PKHD1: variants seen among roughly 807,000 people sequenced by gnomAD.
PKHD1 encodes the protein PKHD1 ciliary IPT domain containing fibrocystin/polyductin, also known as fibrocystin.
Under a neutral mutation model 412.0 loss-of-function variants are expected in PKHD1, and 291 were observed. The ratio of observed to expected loss-of-function variants is 0.71; its 90% CI spans 0.64 to 0.78. The LOEUF is 0.78. PKHD1 is among the 30% of genes least tolerant of loss of function. The pLI, the probability that PKHD1 is intolerant of heterozygous loss-of-function variation, is 0.00. For synonymous variants in PKHD1, 1,777 were observed against 1,821.5 expected, an observed-to-expected ratio of 0.98 and a Z score of 0.62; for missense variants, 4,825 against 4,950.7, an observed-to-expected ratio of 0.97 and a Z score of 0.76.
intron 60 of PKHD1, among the ~76,000 whole-genome samples, chr6:51,742,527 T>C (rs1243870037): frequency 2.0e-5 from 3 of 152,176 alleles, no homozygotes; most frequent in African/African-American, 7.2e-5. Context: ...ATTTTAGGCT[T>C]TCATATTACA....
intron 37 of PKHD1, among the ~76,000 whole-genome samples, chr6:51,917,010 A>G (rs1450128443): frequency 6.6e-6 from 1 of 152,060 alleles, no homozygotes; most frequent in Non-Finnish European, 1.5e-5. Flanking sequence ...TCAGAGCACC[A>G]TTCTTACTAA....
At chr6:51,666,962 G>T (rs1274204465) in intron 60 of PKHD1, among the ~76,000 whole-genome samples, 2 of 150,658 alleles carry the variant, frequency 1.3e-5, no homozygotes, top group African/African-American at 4.9e-5. Flanking sequence ...CATTTGGGTT[G>T]GTTCCAAGTC....
rs761065784 is a variant in PKHD1 at position 52,024,762 on chromosome 6, A to G, written c.5048T>C (p.Ile1683Thr). ...GGGTGACATTCCTATAAAAATGTCAATGTTTGCAGCTCCTGAGATCTGGGC... is the reference window on the plus strand; with the variant it reads ...GGGTGACATTCCTATAAAAATGTCAGTGTTTGCAGCTCCTGAGATCTGGGC... ...AVAQISGAANIDIFIGMSPCV... is the reference protein window; with the variant it reads ...AVAQISGAANTDIFIGMSPCV... The change falls in exon 32 of 67, where the codon ATT becomes ACT. Residue 1683 changes from isoleucine (I) to threonine (T), a missense_variant. Transcript: ENST00000371117. 15 of 1,614,208 alleles carry G rather than the reference A, an allele frequency of 9.3e-6. No homozygotes were observed. Among genetic ancestry groups the G allele is most frequent in the East Asian group, 2.2e-5 (1 of 44,870 alleles).
intron 52 of PKHD1, among the ~76,000 whole-genome samples, chr6:51,801,490 G>A (rs1296822055): frequency 1.4e-5 from 2 of 148,098 alleles, no homozygotes; most frequent in Non-Finnish European, 3.0e-5. Context: ...CACACAGGTG[G>A]TTTCTTTATT....
At chr6:51,804,280 A>T (rs1002206041) in intron 52 of PKHD1, among the ~76,000 whole-genome samples, 1 of 138,810 alleles carries the variant, frequency 7.2e-6, no homozygotes, top group Non-Finnish European at 1.5e-5. Context: ...CTATAGTTCC[A>T]GTAATTTCTC....
intron 40 of PKHD1, among the ~76,000 whole-genome samples, chr6:51,908,243 A>T (rs1782425566): frequency 6.6e-6 from 1 of 152,152 alleles, no homozygotes; most frequent in Non-Finnish European, 1.5e-5. Flanking sequence ...GCATGCAGAT[A>T]ATTTGAAATG....
At chr6:51,842,471 T>C (rs1770385888) in intron 50 of PKHD1, among the ~76,000 whole-genome samples, 1 of 152,126 alleles carries the variant, frequency 6.6e-6, no homozygotes, top group Non-Finnish European at 1.5e-5. Flanking sequence ...GAATGTACAA[T>C]TATTAGAAGA....
At chr6:51,662,692 C>T (rs573164460) in intron 60 of PKHD1, among the ~76,000 whole-genome samples, 20 of 151,804 alleles carry the variant, frequency 1.3e-4, no homozygotes, top group African/African-American at 4.8e-4. Flanking sequence ...CTTCCCTAGA[C>T]CGATCAAAAT....
At chr6:52,048,689 G>A in intron 22 of PKHD1, 70 bp from the exon 23 acceptor site, 1 of 1,584,432 alleles carries the variant, frequency 6.3e-7, no homozygotes, top group Non-Finnish European at 8.6e-7. Context: ...CTTGTCTGAA[G>A]GATGTCCTGT....
chr6:51,694,251 T>C (rs1778512163), intron 60 of PKHD1, among the ~76,000 whole-genome samples: 1 of 152,150 alleles, frequency 6.6e-6, no homozygotes, highest in African/African-American at 2.4e-5. Flanking sequence ...CATTCTGGTC[T>C]CATCCTGGAT....
chr6:51,866,893 G>C (rs964642428), intron 48 of PKHD1, among the ~76,000 whole-genome samples: 3 of 152,036 alleles, frequency 2.0e-5, no homozygotes, highest in Non-Finnish European at 2.9e-5. Flanking sequence ...CTGGAATTGG[G>C]CTCATTAACG....
At chr6:51,703,166 A>T (rs1360737872) in intron 60 of PKHD1, among the ~76,000 whole-genome samples, 1 of 152,030 alleles carries the variant, frequency 6.6e-6, no homozygotes, top group African/African-American at 2.4e-5. Flanking sequence ...AGGTTTATCT[A>T]AAAAGGTACA....
At chr6:51,967,182 G>A (rs986043275) in intron 35 of PKHD1, among the ~76,000 whole-genome samples, 6 of 151,848 alleles carry the variant, frequency 4.0e-5, no homozygotes, top group Admixed American at 6.6e-5. Flanking sequence ...AACATATAAC[G>A]AGGTCAGCAA....
At chr6:51,671,135 C>A (rs892098085) in intron 60 of PKHD1, among the ~76,000 whole-genome samples, 4 of 152,142 alleles carry the variant, frequency 2.6e-5, no homozygotes, top group Non-Finnish European at 5.9e-5. Context: ...TAATATCCTG[C>A]AGAGTGTTTT....
At position 51,959,143 on chromosome 6, in the gene PKHD1, T is replaced by C. The variant is rs1791609188; in HGVS notation, c.5908+727A>G. Among the ~76,000 whole-genome samples the C allele has an allele frequency of 2.0e-5, 3 of 152,138 alleles. No individual in the cohort carries two copies. The South Asian group carries it at 6.2e-4, about 31-fold the overall frequency. ...TATATTTATAGTAAAGAACAGTGTT[T>C]TAGTGCAGAGTTTCATAGAGATCCA... On this transcript the variant is annotated intron_variant, in intron 36 of 66. Transcript: ENST00000371117.
chr6:51,737,735 TG>T (rs1784038317), intron 60 of PKHD1, among the ~76,000 whole-genome samples: 2 of 152,024 alleles, frequency 1.3e-5, no homozygotes, highest in African/African-American at 4.8e-5. Context: ...TGAGTGTGTG[TG>T]TGTGTGTGTG....
chr6:51,677,327 C>G (rs1009472971), intron 60 of PKHD1, among the ~76,000 whole-genome samples: 14 of 152,096 alleles, frequency 9.2e-5, no homozygotes, highest in Non-Finnish European at 1.9e-4. Flanking sequence ...AGGATGCACT[C>G]TAATAGCTAG....
At chr6:51,986,422 A>T (rs1005770091) in intron 35 of PKHD1, among the ~76,000 whole-genome samples, 2 of 152,202 alleles carry the variant, frequency 1.3e-5, no homozygotes, top group African/African-American at 4.8e-5. Flanking sequence ...ATTAGAAGGA[A>T]GTAGGGGCTA....
At chr6:51,981,781 C>T (rs1219283286) in intron 35 of PKHD1, among the ~76,000 whole-genome samples, 1 of 139,700 alleles carries the variant, frequency 7.2e-6, no homozygotes, top group African/African-American at 2.5e-5. Context: ...GGCCACCCAT[C>T]GTCTGGGATA....
Sources: allele counts gnomAD v4.1 joint callset (sites outside exome capture counted in the v4.1 genomes callset), GRCh38; gene constraint gnomAD v4.1.1; transcripts MANE v1.5; gene names NCBI Gene and HGNC (gene_info 2026-07-23, HGNC 2026-07-21).